Variants in SLC5A7 observed in about 807,000 individuals in gnomAD.
SLC5A7 encodes high affinity choline transporter 1.
SLC5A7 carries 19 observed loss-of-function variants against 55.4 expected under a neutral mutation model. The ratio of observed to expected loss-of-function variants is 0.34; its 90% CI spans 0.24 to 0.50. SLC5A7 has a LOEUF of 0.50. SLC5A7 is among the 20% of genes least tolerant of loss of function. The pLI, the probability that SLC5A7 is intolerant of heterozygous loss-of-function variation, is 0.98. For missense variants in SLC5A7, 506 were observed against 705.3 expected (o/e 0.72, Z 3.20); for synonymous variants, 265 against 263.7 (o/e 1.00, Z -0.05).
At position 108,011,160 on chromosome 2, in the gene SLC5A7, T is replaced by C. The variant is rs559084760; in HGVS notation, c.*299T>C. On this transcript the variant is annotated 3_prime_UTR_variant, in exon 9 of 9. Transcript: ENST00000264047. ...AAAGGGCCAAATAGAGTTTTTATATTTGTTATGATAAAAGGAAGTAGATGT... is the reference window on the plus strand; with the variant it reads ...AAAGGGCCAAATAGAGTTTTTATATCTGTTATGATAAAAGGAAGTAGATGT... 1.5e-4 allele frequency: 35 copies of C among 227,732 alleles called. No homozygotes were observed. The highest frequency in any genetic ancestry group is 1.5e-3 in the Middle Eastern group (1 of 684). The allele number at this position is 227,732 out of a possible 1,614,324, so 14.1% of individuals were successfully genotyped here.
At chr2:107,999,655 T>A (rs753779617) in intron 5 of SLC5A7, among the ~76,000 whole-genome samples, 5 of 152,194 alleles carry the variant, frequency 3.3e-5, no homozygotes, top group Non-Finnish European at 7.4e-5. Context: ...ACATAATTAA[T>A]CAACTTACCC....
At chr2:108,007,420 GAA>G (rs56016714) in intron 7 of SLC5A7, among the ~76,000 whole-genome samples, 13,038 of 149,628 alleles carry the variant, frequency 0.087, 812 homozygotes, top group Admixed American at 0.16. Context: ...GTTTGTCTCT[GAA>G]AAAAAAAAAG....
At chr2:107,993,148 C>CTAGCTGCATCTTTGTAGTTAACAACT (rs765666357) in intron 4 of SLC5A7, 21 bp downstream of exon 4, 23 of 1,613,240 alleles carry the variant, frequency 1.4e-5, no homozygotes, top group Middle Eastern at 1.7e-4. Flanking sequence ...GCTAAGTTGT[C>CTAGCTGCATCTTTGTAGTTAACAACT]TAGCTGCATC....
rs1678310195 is a variant in SLC5A7 at position 108,011,072 on chromosome 2, T to C, written c.*211T>C. On this transcript the variant is annotated 3_prime_UTR_variant, in exon 9 of 9. Coordinates refer to ENST00000264047, the MANE Select transcript of SLC5A7 (RefSeq NM_021815.5). ...ACTTTGTTTCTCATCCATAGTAGTA[T>C]TGATTTTGATGCTAGATAGTTTTGC... The C allele has an allele frequency of 2.4e-6, 1 of 417,374 alleles. No homozygotes were observed. Among genetic ancestry groups the C allele is most frequent in the Non-Finnish European group, 4.1e-6 (1 of 244,590 alleles). The allele number at this position is 417,374 out of a possible 1,614,324, so 25.9% of individuals were successfully genotyped here.
At chr2:107,992,385 C>T (rs1421514096) in intron 3 of SLC5A7, among the ~76,000 whole-genome samples, 166 bp downstream of exon 3, 1 of 152,164 alleles carries the variant, frequency 6.6e-6, no homozygotes, top group East Asian at 1.9e-4. Context: ...TAGCAGAACA[C>T]TAATGCTTAA....
intron 6 of SLC5A7, 91 bp downstream of exon 6, chr2:108,002,131 T>C: frequency 6.8e-7 from 1 of 1,468,490 alleles, no homozygotes; most frequent in Non-Finnish European, 9.2e-7. Context: ...TAAAAAAATG[T>C]GCTTGTGGGC....
rs1677518354 is a variant in SLC5A7 at position 107,993,116 on chromosome 2, T to A, written c.437T>A (p.Phe146Tyr). ...GAAATGTTCTGGGCTGCAGCAATTTTCTCTGCTTTGGGTAAGGACCAGCTA... is the reference window on the plus strand; with the variant it reads ...GAAATGTTCTGGGCTGCAGCAATTTACTCTGCTTTGGGTAAGGACCAGCTA... The part of the protein sequence containing the change: ...MGEMFWAAAI[F>Y]SALGATISVI... The change falls in exon 4 of 9, where the codon TTC becomes TAC. Residue 146 changes from phenylalanine to tyrosine, a missense_variant. Around this residue, in one of 4 missense-constraint regions of SLC5A7, gnomAD observed 309 missense variants for 478.6 expected, o/e 0.65. Coordinates refer to ENST00000264047, the MANE Select transcript of SLC5A7 (RefSeq NM_021815.5). 1 of 1,614,076 alleles carries A rather than the reference T, an allele frequency of 6.2e-7. No individual in the cohort carries two copies. The highest frequency in any genetic ancestry group is 8.5e-7 in the Non-Finnish European group (1 of 1,180,034).
At position 108,010,963 on chromosome 2, in the gene SLC5A7, A is replaced by C. The variant is rs988357688; in HGVS notation, c.*102A>C. On this transcript the variant is annotated 3_prime_UTR_variant, in exon 9 of 9. Coordinates refer to ENST00000264047, the MANE Select transcript of SLC5A7 (RefSeq NM_021815.5). ...ACAAAAATATATTAAAAATATAAACAATGTTCAGGAGAGTAAAAATTCATA... is the reference window on the plus strand; with the variant it reads ...ACAAAAATATATTAAAAATATAAACCATGTTCAGGAGAGTAAAAATTCATA... 5.6e-6 allele frequency: 7 copies of C among 1,240,000 alleles called. No individual in the cohort carries two copies. The East Asian group carries it at 1.6e-4, about 28-fold the overall frequency. The allele number at this position is 1,240,000 out of a possible 1,614,324, so 76.8% of individuals were successfully genotyped here.
rs186429472 is a variant in SLC5A7, at chr2:108,005,167, C to T, written c.742-882C>T. Among the ~76,000 whole-genome samples the T allele has an allele frequency of 5.3e-5, 8 of 152,144 alleles. No homozygotes were observed. The South Asian group carries it at 6.2e-4, about 12-fold the overall frequency. On this transcript the variant is annotated intron_variant, in intron 6 of 8. Coordinates refer to ENST00000264047, the MANE Select transcript of SLC5A7 (RefSeq NM_021815.5). The stretch of plus-strand genomic sequence containing the variant: ...AGTTCTAGTATTTATTATTTGATGC[C>T]GGCTGTATTGCCTTGAGCACTCTGC...
chr2:107,997,996 A>T lies in SLC5A7; in HGVS notation c.597+10A>T. 1 of 1,606,324 alleles carries T rather than the reference A, an allele frequency of 6.2e-7. No homozygotes were observed. The highest frequency in any genetic ancestry group is 8.5e-7 in the Non-Finnish European group (1 of 1,177,000). Reference sequence around the variant, plus strand: ...CATTTTTGTAGGGCTGGTAAGTGGGAGCACCCAAGATTCTCCTCCTTTTTT... The same window carrying T: ...CATTTTTGTAGGGCTGGTAAGTGGGTGCACCCAAGATTCTCCTCCTTTTTT... On this transcript the variant is annotated intron_variant, in intron 5 of 8. Transcript: ENST00000264047.
chr2:108,008,785 A>T, intron 8 of SLC5A7, 103 bp downstream of exon 8: 10 of 794,776 alleles, frequency 1.3e-5, no homozygotes. Context: ...TTAATATTCT[A>T]TGTTAAATCT....
intron 2 of SLC5A7, among the ~76,000 whole-genome samples, 188 bp downstream of exon 2, chr2:107,988,521 A>C (rs182255670): frequency 1.3e-5 from 2 of 152,364 alleles, no homozygotes; most frequent in Admixed American, 6.5e-5. Flanking sequence ...AATTGGTTTC[A>C]ACTCAGTAGT....
intron 2 of SLC5A7, among the ~76,000 whole-genome samples, chr2:107,988,651 G>A (rs1057215125): frequency 6.6e-6 from 1 of 152,166 alleles, no homozygotes; most frequent in Non-Finnish European, 1.5e-5. Context: ...GGGGGAATGG[G>A]AAGCTGTCCT....
intron 5 of SLC5A7, among the ~76,000 whole-genome samples, chr2:108,000,415 G>A (rs1238722614): frequency 6.6e-6 from 1 of 151,502 alleles, no homozygotes; most frequent in Non-Finnish European, 1.5e-5. Context: ...ACTTTTATAT[G>A]GATATATATT....
intron 2 of SLC5A7, among the ~76,000 whole-genome samples, chr2:107,989,673 T>A (rs550466182): frequency 6.6e-6 from 1 of 152,330 alleles, no homozygotes; most frequent in South Asian, 2.1e-4. Context: ...CGCCCCATGC[T>A]GTGCCACATG....
chr2:107,994,541 A>C (rs572258771), intron 4 of SLC5A7, among the ~76,000 whole-genome samples: 2 of 152,146 alleles, frequency 1.3e-5, no homozygotes, highest in South Asian at 2.1e-4. Flanking sequence ...AGCTGAGATC[A>C]CGCCACTGCA....
intron 1 of SLC5A7, among the ~76,000 whole-genome samples, chr2:107,987,007 C>G (rs1677270433): frequency 6.6e-6 from 1 of 152,090 alleles, no homozygotes; most frequent in South Asian, 2.1e-4. Flanking sequence ...CATCGGGCTG[C>G]TGCGGAGAGG....
chr2:107,990,903 G>A (rs1352940774), intron 2 of SLC5A7, among the ~76,000 whole-genome samples: 3 of 152,122 alleles, frequency 2.0e-5, no homozygotes, highest in African/African-American at 7.2e-5. Context: ...CTAATGGGAT[G>A]ATGCAATCCA....
rs1678311816 is a variant in SLC5A7, at chr2:108,011,115, T to C, written c.*254T>C. Reference sequence around the variant, plus strand: ...AGTTTTGCTAGGTATAAAAAATAAGTAAAGTTCCACTTAGAGAACAAAGGG... The same window carrying C: ...AGTTTTGCTAGGTATAAAAAATAAGCAAAGTTCCACTTAGAGAACAAAGGG... On this transcript the variant is annotated 3_prime_UTR_variant, in exon 9 of 9. Coordinates refer to ENST00000264047, the MANE Select transcript of SLC5A7 (RefSeq NM_021815.5). 3.1e-6 allele frequency: 1 copy of C among 326,776 alleles called. No homozygotes were observed. The highest frequency in any genetic ancestry group is 2.1e-5 in the African/African-American group (1 of 46,976). The allele number at this position is 326,776 out of a possible 1,614,324, so 20.2% of individuals were successfully genotyped here.
Sources: allele counts gnomAD v4.1 joint callset (sites outside exome capture counted in the v4.1 genomes callset), GRCh38; gene constraint gnomAD v4.1.1; regional missense constraint gnomAD v4.1.1; transcripts MANE v1.5; gene names NCBI Gene and HGNC (gene_info 2026-07-23, HGNC 2026-07-21).